The following CCDC146 variants were observed in gnomAD, a reference collection of about 807,000 sequenced individuals.
CCDC146 encodes coiled-coil domain-containing protein 146.
CCDC146 carries 92 observed loss-of-function variants against 119.3 expected under a neutral mutation model. That is an observed-to-expected ratio of 0.77 (90% CI 0.65 to 0.92). CCDC146 has a LOEUF of 0.92. Among genes scored for constraint, CCDC146 ranks in the 40% least tolerant of loss-of-function variants. CCDC146 has a pLI of 0.00. For missense variants in CCDC146, 1,000 were observed against 1,103.0 expected, an observed-to-expected ratio of 0.91 and a Z score of 1.32; for synonymous variants, 372 against 371.8, an observed-to-expected ratio of 1.00 and a Z score of -0.01.
chr7:77,272,670 G>T (rs1318036740), intron 9 of CCDC146, among the ~76,000 whole-genome samples: 1 of 152,146 alleles, frequency 6.6e-6, no homozygotes, highest in Non-Finnish European at 1.5e-5. Context: ...CCTCCCTGTA[G>T]CCTTGAATGG....
At chr7:77,263,839 G>A (rs761243600) in intron 9 of CCDC146, among the ~76,000 whole-genome samples, 20 of 152,254 alleles carry the variant, frequency 1.3e-4, no homozygotes, top group South Asian at 2.1e-4. Flanking sequence ...CAGGAGAATC[G>A]CTTGAACCCG....
intron 16 of CCDC146, 94 bp from the exon 17 acceptor site, chr7:77,287,346 G>C (rs188631727): frequency 2.3e-6 from 3 of 1,304,548 alleles, no homozygotes; most frequent in Non-Finnish European, 2.2e-6. Flanking sequence ...GGTATTTTGT[G>C]GGGGGTAGGG....
At chr7:77,143,675 T>G (rs1341122967) in intron 1 of CCDC146, among the ~76,000 whole-genome samples, 1 of 151,846 alleles carries the variant, frequency 6.6e-6, no homozygotes, top group Admixed American at 6.5e-5. Context: ...AAATAGGGAA[T>G]CCTTTCTCCA....
rs201497585 is a variant in CCDC146, at chr7:77,280,591, C to G, written c.1857C>G (p.Ile619Met). ...GACTTGCCAACACGATCACAATGATCGAAGAGGAGATGGTGCAGCTTCGCA... is the reference window on the plus strand; with the variant it reads ...GACTTGCCAACACGATCACAATGATGGAAGAGGAGATGGTGCAGCTTCGCA... ...IDRLANTITMIEEEMVQLRKR... is the reference protein window; with the variant it reads ...IDRLANTITMMEEEMVQLRKR... Residue 619 changes from isoleucine to methionine, a missense_variant, in exon 14 of 19, where the codon ATC (isoleucine) becomes ATG (methionine). This residue lies in a region of CCDC146 where 985 missense variants were observed against 1,045.3 expected (regional missense o/e 0.94). Transcript: ENST00000285871. The G allele has an allele frequency of 6.2e-6, 10 of 1,613,954 alleles. No individual in the cohort carries two copies. In the South Asian group the frequency reaches 7.7e-5, roughly 12 times the overall value.
At chr7:77,213,158 AC>A (rs1792221824) in intron 2 of CCDC146, among the ~76,000 whole-genome samples, 1 of 151,920 alleles carries the variant, frequency 6.6e-6, no homozygotes, top group Non-Finnish European at 1.5e-5. Context: ...TGGCGCAATT[AC>A]AGCTCACTGC....
At chr7:77,201,617 G>T (rs1284353869) in intron 2 of CCDC146, among the ~76,000 whole-genome samples, 2 of 150,222 alleles carry the variant, frequency 1.3e-5, no homozygotes, top group Non-Finnish European at 3.0e-5. Context: ...AAAAAAAAAT[G>T]CAGTGTATAA....
chr7:77,154,025 T>C (rs1791144819), intron 1 of CCDC146, among the ~76,000 whole-genome samples: 1 of 151,688 alleles, frequency 6.6e-6, no homozygotes, highest in South Asian at 2.1e-4. Context: ...AAATGCATTA[T>C]GCTAAGAGAA....
intron 2 of CCDC146, among the ~76,000 whole-genome samples, chr7:77,189,231 C>T (rs552660168): frequency 2.0e-5 from 3 of 152,128 alleles, no homozygotes; most frequent in Non-Finnish European, 4.4e-5. Flanking sequence ...TGCAGACTTC[C>T]GCATTTCTGT....
At chr7:77,167,951 G>A in intron 2 of CCDC146, 127 bp downstream of exon 2, 1 of 1,268,858 alleles carries the variant, frequency 7.9e-7, no homozygotes, top group South Asian at 1.9e-5. Flanking sequence ...TTTACAACTT[G>A]ATACACTAAA....
At position 77,196,838 on chromosome 7, in the gene CCDC146, A is replaced by C. The variant is rs368142215; in HGVS notation, c.156+29014A>C. 3 of 1,613,472 alleles carry C rather than the reference A, an allele frequency of 1.9e-6. No homozygotes were observed. In the African/African-American group the frequency reaches 4.0e-5, roughly 22 times the overall value. On this transcript the variant is annotated intron_variant, in intron 2 of 18. Transcript: ENST00000285871. The surrounding 1 kb of genome is among the most constrained non-coding windows in gnomAD (Gnocchi z 4.2). ...GGTGCTCCCATCGAGACGTGCCTGC[A>C]GCACTGTCCAGCCTCCCCCCATGGT...
At chr7:77,200,359 A>G (rs1406345846) in intron 2 of CCDC146, among the ~76,000 whole-genome samples, 1 of 152,222 alleles carries the variant, frequency 6.6e-6, no homozygotes, top group African/African-American at 2.4e-5. Context: ...ATTGCAGTTG[A>G]CTTTTGCTTC....
At chr7:77,126,888 G>A (rs1214218181) in intron 1 of CCDC146, among the ~76,000 whole-genome samples, 2 of 152,048 alleles carry the variant, frequency 1.3e-5, no homozygotes, top group African/African-American at 2.4e-5. Flanking sequence ...CCAGCCTTCA[G>A]GCCCTCCCTG....
intron 2 of CCDC146, among the ~76,000 whole-genome samples, chr7:77,218,336 T>C (rs188471571): frequency 4.2e-4 from 64 of 151,296 alleles, no homozygotes; most frequent in Non-Finnish European, 7.8e-4. Context: ...CATATGTATG[T>C]ATATATAAAT....
intron 2 of CCDC146, among the ~76,000 whole-genome samples, chr7:77,200,443 G>GTTA (rs1331618705): frequency 2.6e-5 from 4 of 152,228 alleles, no homozygotes; most frequent in Non-Finnish European, 5.9e-5. Context: ...GTAGCATAGT[G>GTTA]TATATTAATG....
chr7:77,133,552 A>G (rs1414728423), intron 1 of CCDC146, among the ~76,000 whole-genome samples: 1 of 151,548 alleles, frequency 6.6e-6, no homozygotes, highest in Non-Finnish European at 1.5e-5. Context: ...TGGTTTCACC[A>G]TGTTGGCCAG....
At chr7:77,253,908 G>A (rs1292508010) in intron 4 of CCDC146, among the ~76,000 whole-genome samples, 1 of 152,208 alleles carries the variant, frequency 6.6e-6, no homozygotes, top group Admixed American at 6.5e-5. Flanking sequence ...AATCAAGCTT[G>A]GCAAGAAAGC....
At chr7:77,159,994 C>A (rs1791234410) in intron 1 of CCDC146, among the ~76,000 whole-genome samples, 1 of 152,160 alleles carries the variant, frequency 6.6e-6, no homozygotes, top group African/African-American at 2.4e-5. Flanking sequence ...TATGGCTAGC[C>A]AGTTTTCACA....
rs2150513953 is a variant in CCDC146 at position 77,260,118 on chromosome 7, G to A, written c.868G>A (p.Val290Ile). The A allele has an allele frequency of 1.9e-6, 3 of 1,613,974 alleles. No individual in the cohort carries two copies. Among genetic ancestry groups the A allele is most frequent in the Non-Finnish European group, 1.7e-6 (2 of 1,179,976 alleles). Residue 290 changes from valine (V) to isoleucine (I), a missense_variant, in exon 8 of 19, where the codon GTA becomes ATA. Around this residue, in one of 2 missense-constraint regions of CCDC146, gnomAD observed 985 missense variants for 1,045.3 expected, o/e 0.94. Coordinates refer to ENST00000285871, the MANE Select transcript of CCDC146 (RefSeq NM_020879.3). ...VSAIVDEKEN[V>I]IKEVEGKRAL... ...TGCTATAGTGGATGAGAAGGAAAATGTAATAAAGGAAGTTGAAGGCAAACG... is the reference window on the plus strand; with the variant it reads ...TGCTATAGTGGATGAGAAGGAAAATATAATAAAGGAAGTTGAAGGCAAACG...
At chr7:77,176,643 A>G (rs1791504617) in intron 2 of CCDC146, among the ~76,000 whole-genome samples, 1 of 152,146 alleles carries the variant, frequency 6.6e-6, no homozygotes, top group African/African-American at 2.4e-5. Context: ...AAAGAATTGC[A>G]ACTTGATACC....
Sources: allele counts gnomAD v4.1 joint callset (sites outside exome capture counted in the v4.1 genomes callset), GRCh38; gene constraint gnomAD v4.1.1; regional missense constraint gnomAD v4.1.1; non-coding constraint Gnocchi (gnomAD v3.1); transcripts MANE v1.5; gene names NCBI Gene and HGNC (gene_info 2026-07-23, HGNC 2026-07-21).